The following KIF19 variants were observed in gnomAD, a reference collection of about 807,000 sequenced individuals.
KIF19 encodes kinesin family member 19, also known as kinesin-like protein KIF19.
A neutral mutation model predicts 106.6 loss-of-function variants in KIF19; 98 were observed. The ratio of observed to expected loss-of-function variants is 0.92; its 90% CI spans 0.78 to 1.09. The LOEUF is 1.09. Ranked by LOEUF, KIF19 falls within the 50% of genes least tolerant of loss-of-function variation. KIF19 has a pLI of 0.00. For synonymous variants in KIF19, 516 were observed against 584.2 expected, an observed-to-expected ratio of 0.88 and a Z score of 1.68; for missense variants, 1,373 against 1,414.3, an observed-to-expected ratio of 0.97 and a Z score of 0.47.
intron 5 of KIF19, among the ~76,000 whole-genome samples, chr17:74,343,642 G>A (rs1316091744): frequency 3.3e-5 from 5 of 152,244 alleles, no homozygotes; most frequent in Non-Finnish European, 7.3e-5. Flanking sequence ...GAGTCCAGAA[G>A]AGGTGGGAGG....
chr17:74,338,854 G>T (rs1212756660), intron 2 of KIF19, among the ~76,000 whole-genome samples: 2 of 151,866 alleles, frequency 1.3e-5, no homozygotes, highest in African/African-American at 4.8e-5. Context: ...TCACAGCTCT[G>T]CTGCCTGCTG....
chr17:74,328,354 T>C, intron 1 of KIF19, 71 bp from the exon 2 acceptor site: 1 of 1,416,230 alleles, frequency 7.1e-7, no homozygotes, highest in Non-Finnish European at 9.7e-7. Context: ...GCCAGGGGCT[T>C]GCTTGAGGTC....
chr17:74,353,444 G>A (rs2054778401), intron 16 of KIF19, 50 bp from the exon 17 acceptor site: 1 of 1,555,668 alleles, frequency 6.4e-7, no homozygotes, highest in Non-Finnish European at 8.8e-7. Flanking sequence ...GGGGCATGGG[G>A]TCCCTGCTGT....
chr17:74,344,944 C>A lies in KIF19; in HGVS notation c.766C>A (p.Arg256Ser), dbSNP rs752336468. ...CATGATCGACCTGGCTGGCTCAGAG[C>A]GCGCCTCGCAGGTGAGGCTGGGACC... ...LFMIDLAGSE[R>S]ASQTQNRGQR... Residue 256 changes from arginine (R) to serine (S), a missense_variant, in exon 7 of 20, where the codon CGC becomes AGC. Around this residue, in one of 3 missense-constraint regions of KIF19, gnomAD observed 348 missense variants for 389.5 expected, o/e 0.89. Coordinates refer to ENST00000389916, the MANE Select transcript of KIF19 (RefSeq NM_153209.4). 1 of 1,604,040 alleles carries A rather than the reference C, an allele frequency of 6.2e-7. No homozygotes were observed. Among genetic ancestry groups the A allele is most frequent in the East Asian group, 2.2e-5 (1 of 44,658 alleles).
chr17:74,329,251 A>G (rs2054004496), intron 2 of KIF19: 1 of 152,118 alleles, frequency 6.6e-6, no homozygotes, highest in African/African-American at 2.4e-5. Context: ...GATCAAGACC[A>G]TCCTGGCCAA....
At position 74,344,349 on chromosome 17, in the gene KIF19, G is replaced by T; in HGVS notation, c.582+1G>T. Reference sequence around the variant, plus strand: ...AGTCTCCACCATCAATGCCAAGGAGGCGAGTTTTGTGTGGCCAGCCTGGAG... The same window carrying T: ...AGTCTCCACCATCAATGCCAAGGAGTCGAGTTTTGTGTGGCCAGCCTGGAG... On this transcript the variant is annotated splice_donor_variant, in intron 6 of 19. Transcript: ENST00000389916. LOFTEE classifies it high-confidence loss of function. 1 of 1,612,010 alleles carries T rather than the reference G, an allele frequency of 6.2e-7. No homozygotes were observed.
intron 18 of KIF19, 79 bp from the exon 19 acceptor site, chr17:74,354,703 T>C (rs1407033229): frequency 5.9e-6 from 9 of 1,521,170 alleles, no homozygotes; most frequent in Non-Finnish European, 8.0e-6. Context: ...GTCCCCAGCC[T>C]AGCATAGTAG....
At chr17:74,344,571 CAG>C (rs1398316658) in intron 6 of KIF19, among the ~76,000 whole-genome samples, 188 bp from the exon 7 acceptor site, 2 of 152,244 alleles carry the variant, frequency 1.3e-5, no homozygotes, top group Admixed American at 1.3e-4. Flanking sequence ...TCCATTTACA[CAG>C]AGACCCTGAC....
intron 2 of KIF19, among the ~76,000 whole-genome samples, chr17:74,340,112 A>G (rs370260318): frequency 5.3e-5 from 8 of 152,158 alleles, no homozygotes; most frequent in Admixed American, 2.0e-4. Context: ...CTGCTGTCCC[A>G]TCTGACAGAG....
At chr17:74,326,422 C>T (rs946433315) in intron 1 of KIF19, 34 bp downstream of exon 1, 1 of 1,603,498 alleles carries the variant, frequency 6.2e-7, no homozygotes, top group East Asian at 2.2e-5. Context: ...CCCCACCCCG[C>T]TCCGTGGTCT....
Position 74,341,930 on chromosome 17 carries a change from C to A in KIF19, c.175C>A (p.Arg59Ser), listed in dbSNP as rs374148526. 1.7e-5 allele frequency: 28 copies of A among 1,613,626 alleles called. No homozygotes were observed. Among genetic ancestry groups the A allele is most frequent in the Non-Finnish European group, 2.3e-5 (27 of 1,179,794 alleles). ...TCCCGACGACATCCTGCGGGCGCAT[C>A]GCTCCCGGGAGAAGTCCTACCTGTT... ...EDPDDILRAH[R>S]SREKSYLFDV... The change falls in exon 3 of 20, where the codon CGC (arginine) becomes AGC (serine). Residue 59 changes from arginine to serine, a missense_variant. Transcript: ENST00000389916.
At position 74,344,835 on chromosome 17, in the gene KIF19, C is replaced by G. The variant is rs144888082; in HGVS notation, c.657C>G (p.Arg219=). 1,391 of 1,612,748 alleles carry G rather than the reference C, an allele frequency of 8.6e-4. 14 individuals are homozygous for G. In the African/African-American group the frequency reaches 0.015, roughly 17 times the overall value. The change falls in exon 7 of 20, where the codon CGC becomes CGG. Residue 219 remains arginine, a synonymous_variant. Transcript: ENST00000389916. ...CGGCCGCCAACCAGACGTCCTCCCGCTCCCACGCGGTACTGCAGGTGACCG... is the reference window on the plus strand; with the variant it reads ...CGGCCGCCAACCAGACGTCCTCCCGGTCCCACGCGGTACTGCAGGTGACCG... ...EPTAANQTSS[R]SHAVLQVTVR... is the part of the protein sequence containing the mutation.
chr17:74,344,862 G>T lies in KIF19; in HGVS notation c.684G>T (p.Val228=), dbSNP rs372182489. 21 of 1,612,686 alleles carry T rather than the reference G, an allele frequency of 1.3e-5. No homozygotes were observed. The highest frequency in any genetic ancestry group is 2.2e-5 in the East Asian group (1 of 44,898). The part of the protein sequence containing the change: ...SRSHAVLQVT[V]RQRSRVKNIL... ...CCCACGCGGTACTGCAGGTGACCGT[G>T]CGCCAGCGCAGCCGGGTCAAGAACA... Residue 228 remains valine, a synonymous_variant, in exon 7 of 20, where the codon GTG becomes GTT. Coordinates refer to ENST00000389916, the MANE Select transcript of KIF19 (RefSeq NM_153209.4).
Position 74,346,354 on chromosome 17 carries a change from G to T in KIF19, c.778-24G>T. 1.9e-6 allele frequency: 3 copies of T among 1,562,552 alleles called. No homozygotes were observed. The highest frequency in any genetic ancestry group is 2.6e-6 in the Non-Finnish European group (3 of 1,153,552). Reference sequence around the variant, plus strand: ...AGTCCCCTGCCTCATCAGGCCACACGTGTGCCCTTTGCTCGCCCCCTAGAC... The same window carrying T: ...AGTCCCCTGCCTCATCAGGCCACACTTGTGCCCTTTGCTCGCCCCCTAGAC... On this transcript the variant is annotated intron_variant, in intron 7 of 19. Coordinates refer to ENST00000389916, the MANE Select transcript of KIF19 (RefSeq NM_153209.4). This position sits in a 1 kb window ranked among gnomAD's most constrained non-coding sequence, Gnocchi z 4.6.
In KIF19 at chr17:74,350,416, A is replaced by C; in HGVS notation, c.1229A>C (p.His410Pro). ...CCATCGGCAGCTGAGGTCCAGCTGC[A>C]CAGCGGGCAGGGTGAGAAGGCTGGC... ...IRHIQAEVQL[H>P]SGQGEKAGMG... Residue 410 changes from histidine (H) to proline (P), a missense_variant, in exon 11 of 20, where the codon CAC becomes CCC. By Grantham distance (77) the His-to-Pro change is moderately conservative. Around this residue, in one of 3 missense-constraint regions of KIF19, gnomAD observed 1,020 missense variants for 1,008.2 expected, o/e 1.01. Transcript: ENST00000389916. 2 of 1,601,880 alleles carry C rather than the reference A, an allele frequency of 1.2e-6. No individual in the cohort carries two copies. Among genetic ancestry groups the C allele is most frequent in the Non-Finnish European group, 1.7e-6 (2 of 1,175,440 alleles).
At chr17:74,340,555 G>GCGCGCA in intron 2 of KIF19, among the ~76,000 whole-genome samples, 3 of 148,210 alleles carry the variant, frequency 2.0e-5, no homozygotes, top group African/African-American at 7.5e-5. Context: ...ATGCGCGCGC[G>GCGCGCA]TACACACACA....
Position 74,346,428 on chromosome 17 carries a change from A to G in KIF19, c.828A>G (p.Ser276=), listed in dbSNP as rs2144267551. The change falls in exon 8 of 20, where the codon TCA becomes TCG. Residue 276 remains serine, a synonymous_variant. Transcript: ENST00000389916. This position sits in a 1 kb window ranked among gnomAD's most constrained non-coding sequence, Gnocchi z 4.6. ...RMKEGAHINR[S]LLALGNCINA... ...AGGAGGGGGCCCACATCAACCGCTC[A>G]CTGCTGGCACTGGGCAACTGCATCA... 6.4e-7 allele frequency: 1 copy of G among 1,572,162 alleles called. No individual in the cohort carries two copies. The highest frequency in any genetic ancestry group is 1.8e-5 in the Admixed American group (1 of 54,696).
intron 9 of KIF19, among the ~76,000 whole-genome samples, chr17:74,348,264 G>T (rs2054594957): frequency 6.6e-6 from 1 of 152,240 alleles, no homozygotes; most frequent in Admixed American, 6.5e-5. Flanking sequence ...GCTCTGAGCT[G>T]TTTCACATGC....
At position 74,340,335 on chromosome 17, in the gene KIF19, C is replaced by T. The variant is rs2054332319; in HGVS notation, c.121-1541C>T. ...TCCCCTCCCATACCCTAGACTAGGG[C>T]CCCCAGCAAGGACGCAGCCTCCTTC... On this transcript the variant is annotated intron_variant, in intron 2 of 19. Transcript: ENST00000389916. 2.0e-5 allele frequency among the ~76,000 whole-genome samples: 3 copies of T among 152,188 alleles called. No individual in the cohort carries two copies. The South Asian group carries it at 6.2e-4, about 32-fold the overall frequency.
Sources: gnomAD v4.1 joint callset for allele counts (sites outside exome capture counted in the v4.1 genomes callset) on GRCh38, gnomAD v4.1.1 for gene constraint, gnomAD v4.1.1 regional missense constraint, Gnocchi (gnomAD v3.1) non-coding constraint, MANE v1.5 for transcripts, NCBI Gene and HGNC (gene_info 2026-07-23, HGNC 2026-07-21) for gene names.